The following SLC12A2 variants were observed in gnomAD, a reference collection of about 807,000 sequenced individuals.
SLC12A2 encodes solute carrier family 12 member 2.
In SLC12A2, 67 loss-of-function variants were observed where a neutral mutation model predicts 136.3. The ratio of observed to expected loss-of-function variants is 0.49; its 90% confidence interval spans 0.40 to 0.60. The LOEUF (loss-of-function observed/expected upper bound fraction) is 0.60. Among genes scored for constraint, SLC12A2 ranks in the 20% least tolerant of loss-of-function variants. SLC12A2 has a pLI of 0.00. For synonymous variants in SLC12A2, 619 were observed against 562.9 expected (o/e 1.10, Z -1.41); for missense variants, 1,322 against 1,534.7 (o/e 0.86, Z 2.32).
intron 4 of SLC12A2, among the ~76,000 whole-genome samples, chr5:128,115,597 A>G (rs944870110): frequency 9.9e-5 from 15 of 152,170 alleles, no homozygotes; most frequent in African/African-American, 3.6e-4. Flanking sequence ...AAAGAATTCC[A>G]TTTTCCAAAT....
intron 4 of SLC12A2, among the ~76,000 whole-genome samples, chr5:128,115,810 CAG>C (rs1218085356): frequency 6.6e-6 from 1 of 152,176 alleles, no homozygotes; most frequent in Non-Finnish European, 1.5e-5. Flanking sequence ...GGGATAGAGA[CAG>C]AGAACCAGAT....
At chr5:128,130,231 G>C (rs1053668713) in intron 4 of SLC12A2, among the ~76,000 whole-genome samples, 6 of 152,034 alleles carry the variant, frequency 3.9e-5, no homozygotes, top group African/African-American at 1.4e-4. Flanking sequence ...GGCCAACATG[G>C]TGAAACTCTG....
intron 5 of SLC12A2, among the ~76,000 whole-genome samples, chr5:128,131,788 C>T (rs992675659): frequency 2.0e-5 from 3 of 152,030 alleles, no homozygotes; most frequent in African/African-American, 7.2e-5. Context: ...GGCGGATCAC[C>T]TGAGTTCGGG....
intron 20 of SLC12A2, among the ~76,000 whole-genome samples, chr5:128,175,272 A>C (rs965841285): frequency 3.9e-5 from 6 of 152,108 alleles, no homozygotes; most frequent in Non-Finnish European, 5.9e-5. Context: ...TGTACAGTTT[A>C]TCTCTTCTAT....
intron 1 of SLC12A2, among the ~76,000 whole-genome samples, chr5:128,104,548 C>T (rs1318391206): frequency 6.6e-6 from 1 of 151,962 alleles, no homozygotes; most frequent in African/African-American, 2.4e-5. Context: ...AGGAGAATCA[C>T]TTGAACCCGG....
At chr5:128,150,502 G>A (rs1419637642) in intron 13 of SLC12A2, among the ~76,000 whole-genome samples, 2 of 151,594 alleles carry the variant, frequency 1.3e-5, no homozygotes, top group Admixed American at 6.6e-5. Context: ...TTTAAAAAAG[G>A]AACAAAAGCA....
chr5:128,186,461 G>GTTTTTTTTTTT lies in SLC12A2; in HGVS notation c.3504-33_3504-23dup, dbSNP rs11382084. 35 of 1,323,416 alleles carry GTTTTTTTTTTT rather than the reference G, an allele frequency of 2.6e-5. No homozygotes were observed. In the Middle Eastern group the frequency reaches 6.2e-4, roughly 23 times the overall value. 82.0% of individuals were successfully genotyped at this position (1,323,416 alleles called of 1,614,324 possible). ...TTATTCTGTAAATGCATTGCTCAGGGTTTTTTTTTTTTCTTTTTCTCTTTT... is the reference window on the plus strand; with the variant it reads ...TTATTCTGTAAATGCATTGCTCAGGGTTTTTTTTTTTTTTTTTTTTTTTCTTTTTCTCTTTT... On this transcript the variant is annotated intron_variant, in intron 26 of 26. Transcript: ENST00000262461.
At chr5:128,092,100 C>T (rs1169113597) in intron 1 of SLC12A2, among the ~76,000 whole-genome samples, 2 of 152,160 alleles carry the variant, frequency 1.3e-5, no homozygotes, top group Non-Finnish European at 2.9e-5. Flanking sequence ...TCATTAGAGA[C>T]CTGCCCTTCC....
chr5:128,110,651 A>C, intron 1 of SLC12A2: 4 of 1,190,778 alleles, frequency 3.4e-6, no homozygotes, highest in Non-Finnish European at 5.0e-6. Context: ...GTTGTGCTGA[A>C]GCCAAGACTC....
Position 128,083,854 on chromosome 5 carries a change from A to G in SLC12A2, c.-101A>G, listed in dbSNP as rs539518879. On this transcript the variant is annotated 5_prime_UTR_variant, in exon 1 of 27. Coordinates refer to ENST00000262461, the MANE Select transcript of SLC12A2 (RefSeq NM_001046.3). ...AGGCGGCGGGGAGAAAGACTCTCTC[A>G]CCTGGTCTTGCGGCTGTGGCCACCG... 664 of 873,078 alleles carry G rather than the reference A, an allele frequency of 7.6e-4. 2 individuals are homozygous for G. Among genetic ancestry groups the G allele is most frequent in the South Asian group, 2.4e-3 (41 of 16,858 alleles). 54.1% of individuals were successfully genotyped at this position (873,078 alleles called of 1,614,324 possible). A position where few individuals can be genotyped will look rare whatever the true frequency, so the allele number is the denominator to read the frequency against.
chr5:128,139,114 A>G (rs1291055000), intron 9 of SLC12A2, among the ~76,000 whole-genome samples: 2 of 152,176 alleles, frequency 1.3e-5, no homozygotes, highest in Non-Finnish European at 2.9e-5. Context: ...CAAATGCTTT[A>G]TGGTATCTCC....
intron 1 of SLC12A2, among the ~76,000 whole-genome samples, chr5:128,096,819 A>AG (rs1760556501): frequency 6.6e-6 from 1 of 152,094 alleles, no homozygotes; most frequent in African/African-American, 2.4e-5. Context: ...AACAGCAATA[A>AG]CAACAAATAG....
chr5:128,132,179 A>C (rs561584840), intron 5 of SLC12A2, among the ~76,000 whole-genome samples: 1 of 152,128 alleles, frequency 6.6e-6, no homozygotes, highest in South Asian at 2.1e-4. Context: ...GGATGTAGGG[A>C]AGTATCTGAC....
intron 15 of SLC12A2, among the ~76,000 whole-genome samples, chr5:128,157,608 G>T (rs1049417582): frequency 2.0e-5 from 3 of 152,096 alleles, no homozygotes; most frequent in African/African-American, 7.2e-5. Context: ...CAAACTCTAT[G>T]AAAGAATTAT....
At chr5:128,109,610 G>A (rs1219129838) in intron 1 of SLC12A2, 19 of 751,718 alleles carry the variant, frequency 2.5e-5, no homozygotes, top group Non-Finnish European at 4.4e-5. Flanking sequence ...AGCAGACATC[G>A]TCCTTCCTAC....
At chr5:128,179,428 T>G (rs1702775870) in intron 22 of SLC12A2, among the ~76,000 whole-genome samples, 1 of 152,212 alleles carries the variant, frequency 6.6e-6, no homozygotes, top group South Asian at 2.1e-4. Context: ...TTCAGTGGGA[T>G]ATGTATTAGA....
chr5:128,151,186 A>G (rs1762688118), intron 13 of SLC12A2, 55 bp from the exon 14 acceptor site: 2 of 1,486,312 alleles, frequency 1.3e-6, no homozygotes, highest in African/African-American at 2.8e-5. Flanking sequence ...CATATGTACC[A>G]TTGTGTAAAG....
intron 9 of SLC12A2, among the ~76,000 whole-genome samples, chr5:128,139,340 A>G (rs1762285622): frequency 6.6e-6 from 1 of 151,992 alleles, no homozygotes; most frequent in African/African-American, 2.4e-5. Flanking sequence ...ATTTTTTACT[A>G]TAAAAACACT....
intron 10 of SLC12A2, among the ~76,000 whole-genome samples, chr5:128,147,016 A>G (rs757313568): frequency 2.0e-5 from 3 of 151,632 alleles, no homozygotes; most frequent in Non-Finnish European, 4.4e-5. Flanking sequence ...ATAAAAGGAA[A>G]AGGAAATGTG....
Sources: allele counts gnomAD v4.1 joint callset (sites outside exome capture counted in the v4.1 genomes callset), GRCh38; gene constraint gnomAD v4.1.1; transcripts MANE v1.5; gene names NCBI Gene and HGNC (gene_info 2026-07-23, HGNC 2026-07-21).